Variants in AHI1 observed in about 807,000 individuals in gnomAD.
The protein encoded by AHI1 is jouberin.
A neutral mutation model predicts 149.3 loss-of-function variants in AHI1; 123 were observed. That is an observed-to-expected ratio of 0.82 (90% confidence interval 0.71 to 0.96). The LOEUF is 0.96. AHI1 is among the 40% of genes least tolerant of loss of function. The pLI is 0.00. For missense variants in AHI1, 1,439 were observed against 1,422.7 expected (o/e 1.01, Z -0.18); for synonymous variants, 475 against 459.8 (o/e 1.03, Z -0.42).
intron 22 of AHI1, among the ~76,000 whole-genome samples, chr6:135,399,202 C>T (rs558662818): frequency 4.5e-4 from 69 of 152,064 alleles, no homozygotes; most frequent in Non-Finnish European, 8.5e-4. Context: ...ATTCTACTTT[C>T]GAATTCCTAC....
At position 135,453,329 on chromosome 6, in the gene AHI1, T is replaced by A; in HGVS notation, c.1440+12A>T. 6.5e-7 allele frequency: 1 copy of A among 1,549,288 alleles called. No homozygotes were observed. Among genetic ancestry groups the A allele is most frequent in the East Asian group, 2.4e-5 (1 of 41,342 alleles). The stretch of plus-strand genomic sequence containing the variant: ...CTAGTTTTAAAGTGTTTAAAATGGA[T>A]GAAAAACATACCTTAAGAAATGCCC... On this transcript the variant is annotated intron_variant, in intron 11 of 28. Coordinates refer to ENST00000265602, the MANE Select transcript of AHI1 (RefSeq NM_001134831.2).
chr6:135,356,711 A>C (rs1245126689), intron 24 of AHI1, among the ~76,000 whole-genome samples: 1 of 152,110 alleles, frequency 6.6e-6, no homozygotes, highest in East Asian at 1.9e-4. Flanking sequence ...TGTTATGGCT[A>C]CTCTTTTAGC....
intron 24 of AHI1, among the ~76,000 whole-genome samples, chr6:135,349,786 T>C (rs938469914): frequency 3.3e-5 from 5 of 152,232 alleles, no homozygotes; most frequent in African/African-American, 1.2e-4. Context: ...CATAGAACTT[T>C]AGACCCAAAA....
intron 24 of AHI1, among the ~76,000 whole-genome samples, chr6:135,338,300 C>CAAAAAAAAAAAAAAAAA (rs199794648): frequency 4.2e-5 from 4 of 94,576 alleles, no homozygotes; most frequent in Non-Finnish European, 6.5e-5. Flanking sequence ...AACTCCATCT[C>CAAAAAAAAAAAAAAAAA]AAAAAAAAAA....
In AHI1 at chr6:135,490,720, T is replaced by C. The variant is rs1795137925; in HGVS notation, c.38A>G (p.Lys13Arg). 1 of 1,612,958 alleles carries C rather than the reference T, an allele frequency of 6.2e-7. No individual in the cohort carries two copies. The highest frequency in any genetic ancestry group is 2.2e-5 in the East Asian group (1 of 44,816). Residue 13 changes from lysine to arginine, a missense_variant, in exon 5 of 29, where the codon AAA (lysine) becomes AGA (arginine). Transcript: ENST00000265602. Reference protein sequence around the residue: ...TAESEAKVKTKVRFEELLKTH... With the variant: ...TAESEAKVKTRVRFEELLKTH... ...CTTAAGCAATTCTTCAAAGCGAACTTTGGTTTTTACTTTTGCTTCACTCTC... is the reference window on the plus strand; with the variant it reads ...CTTAAGCAATTCTTCAAAGCGAACTCTGGTTTTTACTTTTGCTTCACTCTC...
chr6:135,492,449 G>C, intron 3 of AHI1, 158 bp from the exon 4 acceptor site: 3 of 1,258,200 alleles, frequency 2.4e-6, no homozygotes, highest in Non-Finnish European at 3.0e-6. Context: ...CAAATGACTT[G>C]GGTACATTTG....
At chr6:135,327,188 C>T (rs1787834973) in intron 24 of AHI1, among the ~76,000 whole-genome samples, 1 of 152,200 alleles carries the variant, frequency 6.6e-6, no homozygotes, top group Admixed American at 6.5e-5. Flanking sequence ...CCCTAGCAGG[C>T]TAGTACACTT....
intron 15 of AHI1, among the ~76,000 whole-genome samples, chr6:135,437,160 T>G (rs900197730): frequency 6.6e-6 from 1 of 152,206 alleles, no homozygotes; most frequent in East Asian, 1.9e-4. Flanking sequence ...AAATTGAAGA[T>G]AGTCATCTAA....
chr6:135,330,794 T>G (rs966106967), intron 24 of AHI1, among the ~76,000 whole-genome samples: 44 of 152,248 alleles, frequency 2.9e-4, no homozygotes, highest in Non-Finnish European at 2.2e-4. Context: ...TTTCAGCGTT[T>G]TTATCCAATG....
At chr6:135,475,096 T>C (rs1156780513) in intron 5 of AHI1, among the ~76,000 whole-genome samples, 2 of 152,236 alleles carry the variant, frequency 1.3e-5, no homozygotes, top group South Asian at 2.1e-4. Flanking sequence ...AGATATATAA[T>C]GTTCGAGTTA....
intron 15 of AHI1, among the ~76,000 whole-genome samples, chr6:135,436,635 A>G (rs958298307): frequency 1.3e-5 from 2 of 152,136 alleles, no homozygotes; most frequent in African/African-American, 4.8e-5. Flanking sequence ...CAGAGTCTCA[A>G]TCTGTCACCC....
chr6:135,485,094 A>G (rs1172720509), intron 5 of AHI1, among the ~76,000 whole-genome samples: 1 of 149,184 alleles, frequency 6.7e-6, no homozygotes, highest in African/African-American at 2.5e-5. Context: ...TTTTTTTAAG[A>G]CAGAGTTTCG....
At chr6:135,328,165 G>T (rs1787994260) in intron 24 of AHI1, among the ~76,000 whole-genome samples, 1 of 152,204 alleles carries the variant, frequency 6.6e-6, no homozygotes, top group African/African-American at 2.4e-5. Context: ...GAGGGTACTA[G>T]AATTGAATTG....
intron 23 of AHI1, among the ~76,000 whole-genome samples, chr6:135,362,602 C>T (rs1294459443): frequency 6.6e-6 from 1 of 152,128 alleles, no homozygotes; most frequent in Non-Finnish European, 1.5e-5. Context: ...TTTGCAGTTC[C>T]CTGATCATTA....
intron 23 of AHI1, among the ~76,000 whole-genome samples, chr6:135,379,112 A>G (rs1213469495): frequency 6.6e-6 from 1 of 152,242 alleles, no homozygotes; most frequent in East Asian, 1.9e-4. Context: ...AATGAGGTTC[A>G]AATGATTGAG....
chr6:135,439,719 T>C (rs955818426), intron 14 of AHI1, among the ~76,000 whole-genome samples: 2 of 152,162 alleles, frequency 1.3e-5, no homozygotes, highest in Non-Finnish European at 2.9e-5. Flanking sequence ...GTAAGTGTTT[T>C]GTTAAGATGG....
Position 135,367,224 on chromosome 6 carries a change from A to T in AHI1, c.3110-9037T>A, listed in dbSNP as rs372558653. ...CTAGCTTCTAGGATTTCTGCTAAGA[A>T]ATCTGCTGTTAATCTGACAGATTTT... On this transcript the variant is annotated intron_variant, in intron 23 of 28. Transcript: ENST00000265602. 1.2e-4 allele frequency among the ~76,000 whole-genome samples: 19 copies of T among 152,282 alleles called. No homozygotes were observed. In the East Asian group the frequency reaches 2.7e-3, roughly 22 times the overall value.
chr6:135,409,720 T>C (rs1310524936), intron 21 of AHI1, among the ~76,000 whole-genome samples: 1 of 152,214 alleles, frequency 6.6e-6, no homozygotes, highest in Non-Finnish European at 1.5e-5. Context: ...ATTATATCTA[T>C]GATTTTTCTT....
chr6:135,459,064 T>C (rs1789451131), intron 8 of AHI1, among the ~76,000 whole-genome samples: 1 of 152,206 alleles, frequency 6.6e-6, no homozygotes, highest in Admixed American at 6.5e-5. Context: ...CATAGGACAC[T>C]GCACTCAACA....
Sources: gnomAD v4.1 joint callset for allele counts (sites outside exome capture counted in the v4.1 genomes callset) on GRCh38, gnomAD v4.1.1 for gene constraint, MANE v1.5 for transcripts, NCBI Gene and HGNC (gene_info 2026-07-23, HGNC 2026-07-21) for gene names.